Variants in DMXL1 observed in about 807,000 individuals in gnomAD.
The protein encoded by DMXL1 is Dmx like 1.
Under a neutral mutation model 319.2 loss-of-function variants are expected in DMXL1, and 99 were observed. That is an observed-to-expected ratio of 0.31 (90% CI 0.26 to 0.37). DMXL1 has a LOEUF of 0.37. Among genes scored for constraint, DMXL1 ranks in the 10% least tolerant of loss-of-function variants. DMXL1 has a pLI of 1.00. For missense variants in DMXL1, 3,745 were observed against 3,595.6 expected, an observed-to-expected ratio of 1.04 and a Z score of -1.06; for synonymous variants, 1,385 against 1,235.2, an observed-to-expected ratio of 1.12 and a Z score of -2.54.
intron 7 of DMXL1, among the ~76,000 whole-genome samples, chr5:119,117,183 C>A (rs1320163628): frequency 2.0e-5 from 3 of 152,110 alleles, no homozygotes; most frequent in Non-Finnish European, 4.4e-5. Flanking sequence ...TGTGTGCCAC[C>A]ATGCTGGGCT....
At chr5:119,173,901 G>C (rs1039709940) in intron 25 of DMXL1, among the ~76,000 whole-genome samples, 1 of 150,076 alleles carries the variant, frequency 6.7e-6, no homozygotes, top group Admixed American at 6.7e-5. Context: ...AGAGCTGATG[G>C]TGTAGTTCCG....
chr5:119,229,391 CTT>C (rs1231976754), intron 38 of DMXL1, among the ~76,000 whole-genome samples: 1 of 152,110 alleles, frequency 6.6e-6, no homozygotes, highest in African/African-American at 2.4e-5. Flanking sequence ...TCCAGTAAAA[CTT>C]TGCACCAATG....
chr5:119,123,527 CT>C (rs1351896802), intron 9 of DMXL1, among the ~76,000 whole-genome samples: 2 of 151,954 alleles, frequency 1.3e-5, no homozygotes, highest in African/African-American at 4.8e-5. Flanking sequence ...TTTGTTTGCC[CT>C]TTAAGGCCAT....
chr5:119,077,260 C>T (rs1751090085), intron 1 of DMXL1, among the ~76,000 whole-genome samples: 1 of 151,352 alleles, frequency 6.6e-6, no homozygotes, highest in African/African-American at 2.5e-5. Context: ...GTGTGCCCCA[C>T]TGTGCCCAGT....
At chr5:119,167,226 G>A (rs1773616164) in intron 22 of DMXL1, among the ~76,000 whole-genome samples, 1 of 152,084 alleles carries the variant, frequency 6.6e-6, no homozygotes, top group Non-Finnish European at 1.5e-5. Context: ...TTTCATACAA[G>A]TAATTCAAAA....
intron 28 of DMXL1, among the ~76,000 whole-genome samples, chr5:119,184,409 T>C (rs1221860190): frequency 1.3e-5 from 2 of 152,160 alleles, no homozygotes; most frequent in African/African-American, 4.8e-5. Context: ...TCATGTGATC[T>C]CTCTCTTCAA....
chr5:119,098,155 C>G lies in DMXL1; in HGVS notation c.213+51C>G, dbSNP rs1756408538. The stretch of plus-strand genomic sequence containing the variant: ...AATTTGTTTGGAATATGGTTTTTGT[C>G]AGGATAATCTCTGAAGTGTGTATTT... On this transcript the variant is annotated intron_variant, in intron 2 of 43. Transcript: ENST00000539542. 1 of 1,561,574 alleles carries G rather than the reference C, an allele frequency of 6.4e-7. No individual in the cohort carries two copies. Among genetic ancestry groups the G allele is most frequent in the Non-Finnish European group, 8.6e-7 (1 of 1,156,340 alleles).
chr5:119,124,489 C>G lies in DMXL1; in HGVS notation c.1102+3350C>G, dbSNP rs146769361. Among the ~76,000 whole-genome samples, 137 of 150,410 alleles carry G rather than the reference C, an allele frequency of 9.1e-4. 1 individual carries two copies. Among genetic ancestry groups the G allele is most frequent in the African/African-American group, 3.3e-3 (133 of 40,908 alleles). ...TCATTAAAGAGGTTGATAGGTCAGT[C>G]TATTAAGTAAAAACTAGTTGTTGTT... is the stretch of plus-strand genomic sequence containing the variant. On this transcript the variant is annotated intron_variant, in intron 9 of 43. Transcript: ENST00000539542.
intron 2 of DMXL1, among the ~76,000 whole-genome samples, chr5:119,099,368 A>G (rs1756728278): frequency 6.6e-6 from 1 of 151,838 alleles, no homozygotes; most frequent in East Asian, 1.9e-4. Context: ...TCGCCATCAT[A>G]CCCGGCTAAT....
rs200131353 is a variant in DMXL1 at position 119,071,673 on chromosome 5, C to G, written c.87+17C>G. On this transcript the variant is annotated intron_variant, in intron 1 of 43. Transcript: ENST00000539542. Reference sequence around the variant, plus strand: ...CGCTTCACGGTGAGTGAGGGAGGCCCTCGCGTCGCCCGTGGCCCGGCCTTT... The same window carrying G: ...CGCTTCACGGTGAGTGAGGGAGGCCGTCGCGTCGCCCGTGGCCCGGCCTTT... 6.4e-7 allele frequency: 1 copy of G among 1,569,788 alleles called. No homozygotes were observed. The highest frequency in any genetic ancestry group is 1.2e-5 in the South Asian group (1 of 85,898).
At chr5:119,116,854 A>G (rs940923403) in intron 7 of DMXL1, among the ~76,000 whole-genome samples, 9 of 152,308 alleles carry the variant, frequency 5.9e-5, no homozygotes, top group Non-Finnish European at 1.2e-4. Flanking sequence ...TGAAACAGCT[A>G]TAAGTTTAAC....
intron 1 of DMXL1, 53 bp downstream of exon 1, chr5:119,071,709 C>T (rs535112381): frequency 1.3e-4 from 199 of 1,498,706 alleles, no homozygotes; most frequent in Middle Eastern, 2.3e-4. Context: ...GCCCGTCATT[C>T]TGGGCCGAGC....
intron 13 of DMXL1, among the ~76,000 whole-genome samples, chr5:119,134,630 C>A (rs1765601843): frequency 6.6e-6 from 1 of 152,150 alleles, no homozygotes. Flanking sequence ...TGTAACACTT[C>A]TTTACTCATA....
At chr5:119,135,259 A>G (rs1346031001) in intron 13 of DMXL1, among the ~76,000 whole-genome samples, 1 of 152,134 alleles carries the variant, frequency 6.6e-6, no homozygotes, top group Non-Finnish European at 1.5e-5. Context: ...TGTATCATAG[A>G]GCTTATATTC....
At chr5:119,113,653 G>A (rs1488037519) in intron 5 of DMXL1, among the ~76,000 whole-genome samples, 1 of 152,176 alleles carries the variant, frequency 6.6e-6, no homozygotes, top group African/African-American at 2.4e-5. Flanking sequence ...GGAAGTTTAT[G>A]TATTAAAATG....
intron 1 of DMXL1, among the ~76,000 whole-genome samples, chr5:119,091,509 C>T (rs1408365652): frequency 2.0e-5 from 3 of 152,176 alleles, no homozygotes; most frequent in Non-Finnish European, 4.4e-5. Context: ...TGTGCTTGGC[C>T]TGCTGTTTCT....
At chr5:119,229,181 A>C (rs1164924860) in intron 38 of DMXL1, among the ~76,000 whole-genome samples, 1 of 151,588 alleles carries the variant, frequency 6.6e-6, no homozygotes, top group African/African-American at 2.4e-5. Flanking sequence ...AAGACAAAAA[A>C]ACAAAATCTC....
chr5:119,092,902 A>C (rs2149753861), intron 1 of DMXL1, among the ~76,000 whole-genome samples: 1 of 152,338 alleles, frequency 6.6e-6, no homozygotes, highest in East Asian at 1.9e-4. Context: ...TTGACAGTTG[A>C]TGGACATTTG....
At position 119,133,130 on chromosome 5, in the gene DMXL1, A is replaced by G; in HGVS notation, c.1316-2A>G. The stretch of plus-strand genomic sequence containing the variant: ...TTGGTTCATGAACTCTTTTGCTTAT[A>G]GAAACTGATGATGGTGTTGATGATC... On this transcript the variant is annotated splice_acceptor_variant, in intron 10 of 43. Coordinates refer to ENST00000539542, the MANE Select transcript of DMXL1 (RefSeq NM_001290321.3). LOFTEE classifies it high-confidence loss of function. The G allele has an allele frequency of 6.2e-7, 1 of 1,613,820 alleles. No individual in the cohort carries two copies. The highest frequency in any genetic ancestry group is 8.5e-7 in the Non-Finnish European group (1 of 1,179,812).
Sources: allele counts gnomAD v4.1 joint callset (sites outside exome capture counted in the v4.1 genomes callset), GRCh38; gene constraint gnomAD v4.1.1; transcripts MANE v1.5; gene names NCBI Gene and HGNC (gene_info 2026-07-23, HGNC 2026-07-21).